The following RBM5 variants were observed in gnomAD, a reference collection of about 807,000 sequenced individuals.
RBM5 encodes RNA binding motif protein 5, also known as RNA-binding protein 5.
A neutral mutation model predicts 124.6 loss-of-function variants in RBM5; 15 were observed. That is an observed-to-expected ratio of 0.12 (90% CI 0.08 to 0.19). The LOEUF is 0.19. RBM5 is among the 10% of genes least tolerant of loss of function. RBM5 has a pLI of 1.00. For missense variants in RBM5, 580 were observed against 1,026.5 expected, an observed-to-expected ratio of 0.57 and a Z score of 5.94; for synonymous variants, 337 against 361.2, an observed-to-expected ratio of 0.93 and a Z score of 0.76.
chr3:50,114,488 AT>A (rs1224633881), intron 20 of RBM5: 2 of 493,128 alleles, frequency 4.1e-6, no homozygotes, highest in African/African-American at 4.1e-5. Context: ...ATTAAGTTTC[AT>A]TGCATCTGTG....
Position 50,106,877 on chromosome 3 carries a change from A to G in RBM5, c.953+13A>G, listed in dbSNP as rs771262895. The stretch of plus-strand genomic sequence containing the variant: ...AAAGTGCCAGAAAGTGAGTGGCTTC[A>G]TTGTCCTTATTTCAAACTACTGCAT... On this transcript the variant is annotated intron_variant, in intron 11 of 24. Transcript: ENST00000347869. 6.4e-6 allele frequency: 10 copies of G among 1,559,956 alleles called. No homozygotes were observed. The East Asian group carries it at 1.6e-4, about 24-fold the overall frequency.
chr3:50,108,343 A>G (rs760257031), intron 14 of RBM5, 39 bp downstream of exon 14: 1 of 1,515,732 alleles, frequency 6.6e-7, no homozygotes, highest in African/African-American at 1.4e-5. Context: ...TTGTTTAAGC[A>G]CTTACAGTTG....
intron 1 of RBM5, chr3:50,090,093 A>G (rs2090678041): frequency 9.1e-6 from 2 of 218,582 alleles, no homozygotes; most frequent in Non-Finnish European, 1.9e-5. Flanking sequence ...TGTAATTCTA[A>G]GGTAGGAGCA....
At chr3:50,089,421 C>T (rs984036415) in intron 1 of RBM5, among the ~76,000 whole-genome samples, 1 of 152,210 alleles carries the variant, frequency 6.6e-6, no homozygotes, top group Non-Finnish European at 1.5e-5. Context: ...GTTCGGTGAT[C>T]GCCCATCTGC....
intron 17 of RBM5, chr3:50,112,536 T>C (rs1410944392): frequency 6.7e-6 from 1 of 148,844 alleles, no homozygotes; most frequent in Non-Finnish European, 1.5e-5. Flanking sequence ...GACTGGAAAA[T>C]AGAGGAGAGG....
chr3:50,103,092 G>A lies in RBM5; in HGVS notation c.493G>A (p.Val165Met). The A allele has an allele frequency of 6.2e-7, 1 of 1,607,368 alleles. No individual in the cohort carries two copies. The highest frequency in any genetic ancestry group is 8.5e-7 in the Non-Finnish European group (1 of 1,174,152). Residue 165 changes from valine (V) to methionine (M), a missense_variant, in exon 7 of 25, where the codon GTG (valine) becomes ATG (methionine). Val to Met is a conservative substitution (Grantham distance 21). Coordinates refer to ENST00000347869, the MANE Select transcript of RBM5 (RefSeq NM_005778.4). ...ACTTCTTTTCTTACAGAAAAAGTTG[G>A]TGATTCAAGGAAAGCACATTGCAAT... Reference protein sequence around the residue: ...SWMEANQKKLVIQGKHIAMHY... With the variant: ...SWMEANQKKLMIQGKHIAMHY...
At chr3:50,116,479 TGGC>T (rs1459952081) in intron 22 of RBM5, 11 of 171,122 alleles carry the variant, frequency 6.4e-5, no homozygotes, top group African/African-American at 1.9e-4. Context: ...TGGGGCAGGT[TGGC>T]GGCCAGGTGG....
chr3:50,117,003 G>A lies in RBM5; in HGVS notation c.2095-71G>A. ...TAAAAATACTTGAGGGGATAGTTTT[G>A]AATAGGTGCATTAGACGGTTACAGG... On this transcript the variant is annotated intron_variant, in intron 22 of 24. Coordinates refer to ENST00000347869, the MANE Select transcript of RBM5 (RefSeq NM_005778.4). The surrounding 1 kb of genome is among the most constrained non-coding windows in gnomAD (Gnocchi z 4.2). 1 of 1,392,660 alleles carries A rather than the reference G, an allele frequency of 7.2e-7. No individual in the cohort carries two copies. The highest frequency in any genetic ancestry group is 1.7e-5 in the Admixed American group (1 of 57,226). 86.3% of individuals were successfully genotyped at this position (1,392,660 alleles called of 1,614,324 possible).
intron 7 of RBM5, among the ~76,000 whole-genome samples, chr3:50,103,565 G>C (rs556478119): frequency 6.6e-6 from 1 of 152,160 alleles, no homozygotes; most frequent in Non-Finnish European, 1.5e-5. Context: ...AAAATCTCTT[G>C]AACACGGGAG....
Position 50,106,884 on chromosome 3 carries a change from T to G in RBM5, c.953+20T>G. 1 of 1,546,636 alleles carries G rather than the reference T, an allele frequency of 6.5e-7. No individual in the cohort carries two copies. The highest frequency in any genetic ancestry group is 1.1e-5 in the South Asian group (1 of 89,624). On this transcript the variant is annotated intron_variant, in intron 11 of 24. Transcript: ENST00000347869. Reference sequence around the variant, plus strand: ...CAGAAAGTGAGTGGCTTCATTGTCCTTATTTCAAACTACTGCATATGCACA... The same window carrying G: ...CAGAAAGTGAGTGGCTTCATTGTCCGTATTTCAAACTACTGCATATGCACA...
Position 50,088,977 on chromosome 3 carries a change from G to T in RBM5, c.-106G>T, listed in dbSNP as rs1479372289. The T allele has an allele frequency of 2.0e-5, 3 of 152,320 alleles. No homozygotes were observed. Among genetic ancestry groups the T allele is most frequent in the African/African-American group, 7.2e-5 (3 of 41,458 alleles). 9.4% of individuals were successfully genotyped at this position (152,320 alleles called of 1,614,324 possible). A position where few individuals can be genotyped will look rare whatever the true frequency, so the allele number is the denominator to read the frequency against. On this transcript the variant is annotated 5_prime_UTR_variant, in exon 1 of 25. Coordinates refer to ENST00000347869, the MANE Select transcript of RBM5 (RefSeq NM_005778.4). Reference sequence around the variant, plus strand: ...CCATTTTGTGTAGCCGCCGAACCTTGTTGGAGGTTCTGGGGCGCAGAACCG... The same window carrying T: ...CCATTTTGTGTAGCCGCCGAACCTTTTTGGAGGTTCTGGGGCGCAGAACCG...
intron 1 of RBM5, among the ~76,000 whole-genome samples, chr3:50,089,481 G>A (rs1409832790): frequency 6.6e-6 from 1 of 152,220 alleles, no homozygotes; most frequent in African/African-American, 2.4e-5. Flanking sequence ...GGGAGGGCAG[G>A]CCGGACGCTG....
At chr3:50,095,008 G>A (rs1352034569) in intron 4 of RBM5, among the ~76,000 whole-genome samples, 1 of 152,108 alleles carries the variant, frequency 6.6e-6, no homozygotes, top group Non-Finnish European at 1.5e-5. Context: ...GACCAGCCTG[G>A]CCAACATGGT....
chr3:50,102,080 T>C (rs2090950635), intron 6 of RBM5: 1 of 152,200 alleles, frequency 6.6e-6, no homozygotes, highest in Non-Finnish European at 1.5e-5. Flanking sequence ...AGTATGTATG[T>C]TTAGAGGGGT....
rs9849605 is a variant in RBM5 at position 50,103,717 on chromosome 3, T to C, written c.568-531T>C. On this transcript the variant is annotated intron_variant, in intron 7 of 24. Transcript: ENST00000347869. ...TGATTAAGATTTTAGGTGTGTTTCA[T>C]GTTACTGTTTATTGAATTCTAGAGC... 3.5e-3 allele frequency among the ~76,000 whole-genome samples: 526 copies of C among 152,308 alleles called. 3 individuals are homozygous for C. The highest frequency in any genetic ancestry group is 0.012 in the African/African-American group (507 of 41,576).
Position 50,114,177 on chromosome 3 carries a change from C to T in RBM5, c.1768-3C>T, listed in dbSNP as rs746090322. ...GTCTCATGGCTTGTCCTCTGTTTCC[C>T]AGGGAGCCTTAGCTGAAAGGCAGCA... On this transcript the variant is annotated splice_polypyrimidine_tract_variant and splice_region_variant and intron_variant, in intron 19 of 24. Transcript: ENST00000347869. 8 of 1,613,786 alleles carry T rather than the reference C, an allele frequency of 5.0e-6. No homozygotes were observed. The highest frequency in any genetic ancestry group is 6.8e-6 in the Non-Finnish European group (8 of 1,179,972).
intron 10 of RBM5, among the ~76,000 whole-genome samples, chr3:50,106,529 G>A (rs890883399): frequency 4.6e-5 from 7 of 152,176 alleles, no homozygotes; most frequent in Non-Finnish European, 8.8e-5. Context: ...AGCCTCCCAA[G>A]TGCTAGATGT....
At chr3:50,116,231 C>G (rs552715295) in intron 22 of RBM5, 13 of 474,598 alleles carry the variant, frequency 2.7e-5, no homozygotes, top group African/African-American at 1.2e-4. Flanking sequence ...AATGCCAGAG[C>G]TTGCTGCTTA....
intron 9 of RBM5, 116 bp downstream of exon 9, chr3:50,105,258 A>T (rs2091007493): frequency 3.4e-6 from 3 of 880,656 alleles, no homozygotes; most frequent in Non-Finnish European, 3.5e-6. Flanking sequence ...AATACAAAAA[A>T]TTAGCTGGGT....
Sources: gnomAD v4.1 joint callset for allele counts (sites outside exome capture counted in the v4.1 genomes callset) on GRCh38, gnomAD v4.1.1 for gene constraint, Gnocchi (gnomAD v3.1) non-coding constraint, MANE v1.5 for transcripts, NCBI Gene and HGNC (gene_info 2026-07-23, HGNC 2026-07-21) for gene names.